Variants in SH3KBP1 observed in about 807,000 individuals in gnomAD.
The protein encoded by SH3KBP1 is SH3 domain containing kinase binding protein 1, also known as SH3 domain-containing kinase-binding protein 1.
In SH3KBP1, 8 loss-of-function variants were observed where a neutral mutation model predicts 50.1. The observed-to-expected ratio is 0.16, with a 90% CI of 0.09 to 0.29. The LOEUF is 0.29. Among genes scored for constraint, SH3KBP1 ranks in the 10% least tolerant of loss-of-function variants. The pLI is 1.00. For synonymous variants in SH3KBP1, 227 were observed against 218.6 expected (o/e 1.04, Z -0.34); for missense variants, 377 against 535.2 (o/e 0.70, Z 2.92).
intron 2 of SH3KBP1, among the ~76,000 whole-genome samples, chrX:19,803,061 T>C (rs1453160669): frequency 9.0e-6 from 1 of 111,048 alleles, no homozygotes; most frequent in Non-Finnish European, 1.9e-5. Flanking sequence ...CAGCTTGCAC[T>C]GGCAGCTTCC....
intron 4 of SH3KBP1, among the ~76,000 whole-genome samples, chrX:19,700,019 T>C (rs1344716348): frequency 9.0e-6 from 1 of 111,685 alleles, no homozygotes; most frequent in Non-Finnish European, 1.9e-5. Flanking sequence ...TATAGCTTTT[T>C]TTCATCCAGT....
chrX:19,798,278 G>A (rs1236504701), intron 2 of SH3KBP1, among the ~76,000 whole-genome samples: 2 of 109,003 alleles, frequency 1.8e-5, no homozygotes, highest in East Asian at 5.8e-4. Context: ...GTAGAGACAG[G>A]GTCTCACCAT....
intron 2 of SH3KBP1, among the ~76,000 whole-genome samples, chrX:19,814,262 T>C (rs1300588595): frequency 9.0e-6 from 1 of 111,309 alleles, no homozygotes; most frequent in Admixed American, 9.5e-5. Context: ...TGGTCTCCCC[T>C]GTATTCCTGC....
chrX:19,861,585 T>C (rs2068779659), intron 1 of SH3KBP1, among the ~76,000 whole-genome samples: 1 of 111,642 alleles, frequency 9.0e-6, no homozygotes, highest in African/African-American at 3.3e-5. Context: ...AGTTCATCCC[T>C]AAAGAACTGA....
At chrX:19,690,038 T>TTCTC (rs566949129) in intron 5 of SH3KBP1, among the ~76,000 whole-genome samples, 50 of 95,434 alleles carry the variant, frequency 5.2e-4, no homozygotes, top group South Asian at 8.5e-4. Context: ...AAAACCATCT[T>TTCTC]TCTCTCTCTC....
At chrX:19,708,323 A>G (rs1157095727) in intron 3 of SH3KBP1, among the ~76,000 whole-genome samples, 1 of 112,504 alleles carries the variant, frequency 8.9e-6, no homozygotes, top group East Asian at 2.8e-4. Context: ...CAGAATCGAT[A>G]TCTTGTCTAA....
intron 2 of SH3KBP1, among the ~76,000 whole-genome samples, chrX:19,766,221 G>A (rs1316810571): frequency 1.8e-5 from 2 of 110,416 alleles, no homozygotes; most frequent in African/African-American, 3.3e-5. Flanking sequence ...GGTATGAGGT[G>A]CAATCTCACT....
intron 8 of SH3KBP1, among the ~76,000 whole-genome samples, chrX:19,627,970 G>A (rs978596439): frequency 1.1e-4 from 12 of 112,431 alleles, no homozygotes; most frequent in Non-Finnish European, 2.1e-4. Context: ...AGATCATGGT[G>A]AAACCATTCA....
intron 2 of SH3KBP1, among the ~76,000 whole-genome samples, chrX:19,812,009 C>T (rs941323977): frequency 8.9e-6 from 1 of 111,883 alleles, no homozygotes; most frequent in African/African-American, 3.3e-5. Context: ...TCTGGGTCTC[C>T]ATCTGGGACC....
intron 12 of SH3KBP1, among the ~76,000 whole-genome samples, chrX:19,583,166 T>TTA (rs1438189954): frequency 9.5e-6 from 1 of 105,295 alleles, no homozygotes; most frequent in Non-Finnish European, 1.9e-5. Flanking sequence ...ATTATTATTA[T>TTA]TTTTGAGACG....
intron 3 of SH3KBP1, among the ~76,000 whole-genome samples, chrX:19,719,180 G>A (rs993955979): frequency 1.8e-5 from 2 of 111,088 alleles, no homozygotes; most frequent in African/African-American, 6.6e-5. Flanking sequence ...TTTCAACCCT[G>A]ACACCTCTCA....
rs190645678 is a variant in SH3KBP1 at position 19,765,405 on chromosome X, G to C, written c.163-18964C>G. 1.4e-3 allele frequency among the ~76,000 whole-genome samples: 160 copies of C among 110,805 alleles called. 1 individual carries two copies. The highest frequency in any genetic ancestry group is 5.1e-3 in the African/African-American group (154 of 30,452). On this transcript the variant is annotated intron_variant, in intron 2 of 17. Transcript: ENST00000397821. Reference sequence around the variant, plus strand: ...GTTCTCCCACCCTTTCCAGCCTCTAGGGGTTACCTGCATTCCTTAGCTTGT... The same window carrying C: ...GTTCTCCCACCCTTTCCAGCCTCTACGGGTTACCTGCATTCCTTAGCTTGT...
intron 6 of SH3KBP1, among the ~76,000 whole-genome samples, chrX:19,658,149 A>G (rs764171941): frequency 5.2e-4 from 58 of 111,942 alleles, no homozygotes; most frequent in Middle Eastern, 4.6e-3. Context: ...TGGAAAAAAA[A>G]GTTGCTCATG....
At chrX:19,754,816 A>T (rs1002372805) in intron 2 of SH3KBP1, among the ~76,000 whole-genome samples, 2 of 111,913 alleles carry the variant, frequency 1.8e-5, no homozygotes, top group African/African-American at 6.5e-5. Flanking sequence ...ACCTTAAAAG[A>T]TGCAGATCAG....
chrX:19,625,990 C>T (rs1038393668), intron 8 of SH3KBP1, among the ~76,000 whole-genome samples: 5 of 111,480 alleles, frequency 4.5e-5, no homozygotes, highest in Admixed American at 1.9e-4. Flanking sequence ...GCAGAGAACA[C>T]GCATGGTCCC....
chrX:19,650,329 G>A (rs1448134189), intron 6 of SH3KBP1, among the ~76,000 whole-genome samples: 3 of 112,299 alleles, frequency 2.7e-5, no homozygotes, highest in African/African-American at 9.7e-5. Flanking sequence ...AGCATGGCTG[G>A]GGAGGCCTCA....
At chrX:19,617,767 T>C (rs2067661665) in intron 8 of SH3KBP1, among the ~76,000 whole-genome samples, 1 of 111,562 alleles carries the variant, frequency 9.0e-6, no homozygotes, top group Admixed American at 9.5e-5. Context: ...CCCAGAGGGG[T>C]GATTCCGGCC....
chrX:19,762,937 T>G (rs899229951), intron 2 of SH3KBP1, among the ~76,000 whole-genome samples: 1 of 112,226 alleles, frequency 8.9e-6, no homozygotes, highest in African/African-American at 3.2e-5. Flanking sequence ...GATATACCTT[T>G]TATATATACC....
chrX:19,833,995 T>A (rs777713023), intron 2 of SH3KBP1, among the ~76,000 whole-genome samples: 1 of 111,193 alleles, frequency 9.0e-6, no homozygotes, highest in East Asian at 2.8e-4. Context: ...TGTAGTACAG[T>A]GGGGGGAAAG....
Sources: gnomAD v4.1 joint callset for allele counts (sites outside exome capture counted in the v4.1 genomes callset) on GRCh38, gnomAD v4.1.1 for gene constraint, MANE v1.5 for transcripts, NCBI Gene and HGNC (gene_info 2026-07-23, HGNC 2026-07-21) for gene names.